AK9: variants seen among roughly 807,000 people sequenced by gnomAD.
The protein encoded by AK9 is adenylate kinase domain containing 1.
AK9 carries 191 observed loss-of-function variants against 239.6 expected under a neutral mutation model. The ratio of observed to expected loss-of-function variants is 0.80; its 90% CI spans 0.71 to 0.90. The LOEUF is 0.90. AK9 is among the 40% of genes least tolerant of loss of function. The pLI is 0.00. For missense variants in AK9, 1,995 were observed against 2,214.7 expected, an observed-to-expected ratio of 0.90 and a Z score of 1.99; for synonymous variants, 689 against 721.0, an observed-to-expected ratio of 0.96 and a Z score of 0.71.
Position 109,546,139 on chromosome 6 carries a change from G to T in AK9, c.2965-12C>A. ...CTTAATGGAGGAGCCTGTCACAGGG[G>T]GTGGGTCAGGGAGGGGTGGGATAAA... On this transcript the variant is annotated splice_polypyrimidine_tract_variant and intron_variant, in intron 25 of 40. Coordinates refer to ENST00000424296, the MANE Select transcript of AK9 (RefSeq NM_001145128.3). 3 of 1,574,502 alleles carry T rather than the reference G, an allele frequency of 1.9e-6. No individual in the cohort carries two copies. The highest frequency in any genetic ancestry group is 2.6e-6 in the Non-Finnish European group (3 of 1,159,250).
At chr6:109,651,246 A>G (rs1583432521) in intron 8 of AK9, among the ~76,000 whole-genome samples, 1 of 152,100 alleles carries the variant, frequency 6.6e-6, no homozygotes, top group East Asian at 1.9e-4. Context: ...ATACAATTAA[A>G]AGAAAAAAAA....
At chr6:109,534,425 T>C (rs1469583173) in intron 27 of AK9, among the ~76,000 whole-genome samples, 1 of 150,116 alleles carries the variant, frequency 6.7e-6, no homozygotes, top group Non-Finnish European at 1.5e-5. Flanking sequence ...CTCCTGCTTA[T>C]CTGAAATTTG....
intron 25 of AK9, 78 bp from the exon 26 acceptor site, chr6:109,546,205 C>A: frequency 3.0e-6 from 4 of 1,347,614 alleles, no homozygotes; most frequent in Non-Finnish European, 4.0e-6. Flanking sequence ...ATTTAGAACA[C>A]ATAAGACTTA....
chr6:109,591,658 G>T (rs369303369), intron 17 of AK9, among the ~76,000 whole-genome samples: 210 of 152,224 alleles, frequency 1.4e-3, no homozygotes, highest in African/African-American at 5.0e-3. Flanking sequence ...ACTTTCATGT[G>T]TTTTTATGAT....
intron 24 of AK9, among the ~76,000 whole-genome samples, chr6:109,559,377 C>T (rs1201586192): frequency 2.0e-5 from 3 of 151,956 alleles, no homozygotes; most frequent in Non-Finnish European, 2.9e-5. Context: ...CCGTGTTAGC[C>T]AGGATGGTCT....
intron 19 of AK9, among the ~76,000 whole-genome samples, chr6:109,581,207 A>G (rs373154682): frequency 6.6e-5 from 10 of 152,150 alleles, no homozygotes; most frequent in African/African-American, 2.4e-4. Flanking sequence ...AATGAGGCCA[A>G]TTAATAACCC....
At chr6:109,495,800 A>G (rs904538912) in intron 38 of AK9, among the ~76,000 whole-genome samples, 9 of 151,940 alleles carry the variant, frequency 5.9e-5, no homozygotes, top group African/African-American at 1.9e-4. Flanking sequence ...AGAGCTACCC[A>G]CTTGTTCTCT....
At chr6:109,688,044 A>C (rs1773770112) in intron 1 of AK9, among the ~76,000 whole-genome samples, 1 of 152,148 alleles carries the variant, frequency 6.6e-6, no homozygotes, top group Admixed American at 6.5e-5. Context: ...GAAGGTGATG[A>C]AGGATAGGCA....
intron 1 of AK9, among the ~76,000 whole-genome samples, chr6:109,680,788 G>A (rs1772503554): frequency 6.6e-6 from 1 of 152,126 alleles, no homozygotes; most frequent in African/African-American, 2.4e-5. Flanking sequence ...AAGAGAGTGG[G>A]GGCCAATATT....
chr6:109,528,886 C>G (rs764621739), intron 29 of AK9, 125 bp downstream of exon 29: 14 of 1,479,894 alleles, frequency 9.5e-6, no homozygotes, highest in East Asian at 2.6e-5. Context: ...CTTTGAGAGG[C>G]TGAGGTGGGA....
intron 1 of AK9, among the ~76,000 whole-genome samples, chr6:109,686,074 G>A (rs1010308020): frequency 6.6e-6 from 1 of 152,154 alleles, no homozygotes; most frequent in African/African-American, 2.4e-5. Flanking sequence ...TCAAGAAAGA[G>A]GATCGGAAGC....
intron 27 of AK9, among the ~76,000 whole-genome samples, chr6:109,533,680 GAATA>G (rs1480078511): frequency 2.0e-5 from 3 of 151,922 alleles, no homozygotes; most frequent in Non-Finnish European, 2.9e-5. Flanking sequence ...TGTATGTAAT[GAATA>G]GTTTAAAAAT....
intron 32 of AK9, among the ~76,000 whole-genome samples, chr6:109,509,596 G>A (rs1426715278): frequency 2.6e-5 from 4 of 152,076 alleles, no homozygotes. Context: ...CTGCTCTATG[G>A]AGCAGGCAGC....
chr6:109,497,325 TTCAC>T (rs1324120283), intron 38 of AK9, 136 bp downstream of exon 38: 86 of 562,876 alleles, frequency 1.5e-4, no homozygotes, highest in Non-Finnish European at 2.5e-4. Context: ...CCAGTGCTTG[TTCAC>T]ACACACACAC....
chr6:109,514,160 A>C (rs1026208039), intron 32 of AK9, 64 bp downstream of exon 32: 14 of 1,423,132 alleles, frequency 9.8e-6, no homozygotes, highest in Non-Finnish European at 1.1e-5. Flanking sequence ...TTGACCTGCC[A>C]TGTGCATTGG....
rs773661112 is a variant in AK9 at position 109,674,233 on chromosome 6, T to C, written c.146A>G (p.Tyr49Cys). 14 of 1,592,214 alleles carry C rather than the reference T, an allele frequency of 8.8e-6. No homozygotes were observed. The highest frequency in any genetic ancestry group is 1.3e-5 in the African/African-American group (1 of 74,198). The change falls in exon 3 of 41, where the codon TAC (tyrosine) becomes TGC (cysteine). Residue 49 changes from tyrosine to cysteine, a missense_variant. This residue lies in a region of AK9 where 252 missense variants were observed against 246.4 expected (regional missense o/e 1.02). Coordinates refer to ENST00000424296, the MANE Select transcript of AK9 (RefSeq NM_001145128.3). Reference protein sequence around the residue: ...PGVGKTTLARYITQAWKCIRV... With the variant: ...PGVGKTTLARCITQAWKCIRV... ...AATACATTTCCATGCCTGTGTTATGTAACGGGCTAATGTTGTTTTCCCAAC... is the reference window on the plus strand; with the variant it reads ...AATACATTTCCATGCCTGTGTTATGCAACGGGCTAATGTTGTTTTCCCAAC...
chr6:109,675,434 A>G (rs184827238), intron 2 of AK9, among the ~76,000 whole-genome samples, 195 bp downstream of exon 2: 1 of 152,174 alleles, frequency 6.6e-6, no homozygotes. Flanking sequence ...TGCGATGAGC[A>G]TATGTGTGCA....
At chr6:109,623,862 GACACACACACACACAC>G (rs567410173) in intron 12 of AK9, among the ~76,000 whole-genome samples, 97 of 136,190 alleles carry the variant, frequency 7.1e-4, no homozygotes, top group Non-Finnish European at 1.1e-3. Flanking sequence ...AGGAATCTTA[GACACACACACACACAC>G]ACACACACAC....
intron 10 of AK9, among the ~76,000 whole-genome samples, chr6:109,639,790 T>C (rs1263912673): frequency 6.6e-6 from 1 of 152,240 alleles, no homozygotes; most frequent in Non-Finnish European, 1.5e-5. Context: ...AGGTCTAACA[T>C]TTAAGTCTTT....
Sources: gnomAD v4.1 joint callset for allele counts (sites outside exome capture counted in the v4.1 genomes callset) on GRCh38, gnomAD v4.1.1 for gene constraint, gnomAD v4.1.1 regional missense constraint, MANE v1.5 for transcripts, NCBI Gene and HGNC (gene_info 2026-07-23, HGNC 2026-07-21) for gene names.